The following HACD2 variants were observed in gnomAD, a reference collection of about 807,000 sequenced individuals.
The protein encoded by HACD2 is very-long-chain (3R)-3-hydroxyacyl-CoA dehydratase 2.
A neutral mutation model predicts 31.0 loss-of-function variants in HACD2; 15 were observed. The observed-to-expected ratio is 0.48, with a 90% CI of 0.32 to 0.75. The LOEUF is 0.75. Ranked by LOEUF, HACD2 falls within the 30% of genes least tolerant of loss-of-function variation. The probability of loss-of-function intolerance (pLI) is 0.03; values close to 1 mark genes in which losing one functional copy is unlikely to be tolerated. For missense variants in HACD2, 283 were observed against 313.0 expected (o/e 0.90, Z 0.72); for synonymous variants, 115 against 122.2 (o/e 0.94, Z 0.39).
chr3:123,579,979 A>G (rs1329440157), intron 2 of HACD2, among the ~76,000 whole-genome samples: 1 of 152,186 alleles, frequency 6.6e-6, no homozygotes, highest in Non-Finnish European at 1.5e-5. Context: ...CCAAATCTAT[A>G]GAGTCAGTTG....
chr3:123,544,659 T>G (rs2056535804), intron 3 of HACD2, among the ~76,000 whole-genome samples: 1 of 152,216 alleles, frequency 6.6e-6, no homozygotes, highest in South Asian at 2.1e-4. Context: ...AACTTTTATT[T>G]ACTTTTTGAA....
intron 3 of HACD2, among the ~76,000 whole-genome samples, chr3:123,547,510 G>A (rs77106389): frequency 0.089 from 13,513 of 152,166 alleles, 820 homozygotes; most frequent in African/African-American, 0.18. Context: ...GTCAAGTTTA[G>A]GAGGAAGCCC....
At chr3:123,567,073 C>T (rs1187558882) in intron 3 of HACD2, among the ~76,000 whole-genome samples, 2 of 152,174 alleles carry the variant, frequency 1.3e-5, no homozygotes, top group Non-Finnish European at 2.9e-5. Context: ...ACTTCAAATC[C>T]TCCCTTTGGG....
rs142302727 is a variant in HACD2, at chr3:123,516,782, C to G, written c.381+11604G>C. On this transcript the variant is annotated intron_variant, in intron 4 of 6. Coordinates refer to ENST00000383657, the MANE Select transcript of HACD2 (RefSeq NM_198402.5). ...TATGACAGGCCAGACATGCAGAATG[C>G]TAAAATGTTCCCATTAGTCCAACTT... is the stretch of plus-strand genomic sequence containing the variant. Among the ~76,000 whole-genome samples, 32 of 152,304 alleles carry G rather than the reference C, an allele frequency of 2.1e-4. No homozygotes were observed. The East Asian group carries it at 5.8e-3, about 28-fold the overall frequency.
intron 3 of HACD2, among the ~76,000 whole-genome samples, chr3:123,559,725 A>G (rs1475197959): frequency 2.0e-5 from 3 of 152,222 alleles, no homozygotes; most frequent in African/African-American, 7.2e-5. Flanking sequence ...ATAGGTTTCC[A>G]TTCCAAAGAA....
intron 3 of HACD2, among the ~76,000 whole-genome samples, chr3:123,548,625 GT>G (rs34586639): frequency 5.9e-5 from 9 of 151,336 alleles, no homozygotes; most frequent in Non-Finnish European, 1.3e-4. Context: ...ATCAGAGCCA[GT>G]TTTTTTTTCT....
At chr3:123,540,256 G>A (rs2056473868) in intron 3 of HACD2, among the ~76,000 whole-genome samples, 1 of 151,958 alleles carries the variant, frequency 6.6e-6, no homozygotes, top group African/African-American at 2.4e-5. Flanking sequence ...CCAAATATCT[G>A]CCACTAGCAT....
chr3:123,556,884 AAAC>A (rs544832700), intron 3 of HACD2, among the ~76,000 whole-genome samples: 516 of 152,358 alleles, frequency 3.4e-3, no homozygotes, highest in Non-Finnish European at 5.5e-3. Context: ...ATAAAAATTA[AAAC>A]AACAACTACC....
In HACD2 at chr3:123,584,908, C is replaced by G. The variant is rs369644935; in HGVS notation, c.120G>C (p.Ala40=). ...KKKGPGPLAT[A]YLVIYNVVMT... ...TCACCACATTGTAGATGACCAGGTA[C>G]GCCGTGGCCAGGGGCCCCGGGCCCT... Residue 40 remains alanine, a synonymous_variant, in exon 1 of 7, where the codon GCG becomes GCC. Transcript: ENST00000383657. 6.5e-7 allele frequency: 1 copy of G among 1,527,896 alleles called. No individual in the cohort carries two copies. Among genetic ancestry groups the G allele is most frequent in the African/African-American group, 1.4e-5 (1 of 69,756 alleles). 94.6% of individuals were successfully genotyped at this position (1,527,896 alleles called of 1,614,324 possible).
rs937265821 is a variant in HACD2, at chr3:123,566,572, C to T, written c.292+1190G>A. Among the ~76,000 whole-genome samples the T allele has an allele frequency of 4.0e-5, 6 of 151,826 alleles. No homozygotes were observed. The South Asian group carries it at 1.3e-3, about 32-fold the overall frequency. Reference sequence around the variant, plus strand: ...GTGCTGGTATTACAGGCATGAGCCACCACACCTGGCCCAAGGTGCAATTCT... The same window carrying T: ...GTGCTGGTATTACAGGCATGAGCCATCACACCTGGCCCAAGGTGCAATTCT... On this transcript the variant is annotated intron_variant, in intron 3 of 6. Transcript: ENST00000383657.
At chr3:123,564,643 G>T (rs2056771978) in intron 3 of HACD2, among the ~76,000 whole-genome samples, 1 of 152,162 alleles carries the variant, frequency 6.6e-6, no homozygotes, top group African/African-American at 2.4e-5. Flanking sequence ...AGGTATCGAT[G>T]GGCATGAGGA....
intron 3 of HACD2, among the ~76,000 whole-genome samples, chr3:123,549,753 A>G (rs2056598852): frequency 6.7e-6 from 1 of 148,466 alleles, no homozygotes; most frequent in Non-Finnish European, 1.5e-5. Context: ...GTCTCCAAAA[A>G]CAACAACAAC....
intron 3 of HACD2, among the ~76,000 whole-genome samples, chr3:123,545,141 T>TG (rs1447610341): frequency 1.4e-5 from 2 of 144,214 alleles, no homozygotes; most frequent in East Asian, 4.1e-4. Flanking sequence ...TACTAGCTGT[T>TG]TTTTTTTTTT....
At chr3:123,557,170 A>C (rs1393560715) in intron 3 of HACD2, among the ~76,000 whole-genome samples, 1 of 152,256 alleles carries the variant, frequency 6.6e-6, no homozygotes, top group Non-Finnish European at 1.5e-5. Flanking sequence ...CTCCTGTCAG[A>C]TCAGCAGCAG....
At chr3:123,507,026 G>C (rs1441934135) in intron 4 of HACD2, among the ~76,000 whole-genome samples, 1 of 152,166 alleles carries the variant, frequency 6.6e-6, no homozygotes, top group Non-Finnish European at 1.5e-5. Flanking sequence ...GGGAGGCTGA[G>C]GCAGGAGGAT....
chr3:123,580,148 C>A (rs529462172), intron 2 of HACD2, among the ~76,000 whole-genome samples: 20 of 146,894 alleles, frequency 1.4e-4, no homozygotes, highest in African/African-American at 5.1e-4. Context: ...GCCTGGGCAA[C>A]AGAGTAAGGC....
intron 3 of HACD2, among the ~76,000 whole-genome samples, chr3:123,541,243 A>C (rs2630267): frequency 1 from 151,650 of 152,258 alleles, 75,525 homozygotes; most frequent in Middle Eastern, 1. Context: ...TGCACTCCAG[A>C]CTGGGCAACA....
chr3:123,521,853 C>CGCTT (rs1462368683), intron 4 of HACD2, among the ~76,000 whole-genome samples: 1 of 152,168 alleles, frequency 6.6e-6, no homozygotes, highest in East Asian at 1.9e-4. Flanking sequence ...TTTAAGAAGA[C>CGCTT]GCTTGCTTGC....
chr3:123,502,918 G>T, intron 4 of HACD2: 1 of 437,954 alleles, frequency 2.3e-6, no homozygotes, highest in Non-Finnish European at 4.2e-6. Context: ...GAGAGCAGCA[G>T]GGTGGGGGTA....
Sources: gnomAD v4.1 joint callset for allele counts (sites outside exome capture counted in the v4.1 genomes callset) on GRCh38, gnomAD v4.1.1 for gene constraint, MANE v1.5 for transcripts, NCBI Gene and HGNC (gene_info 2026-07-23, HGNC 2026-07-21) for gene names.